PIGL: variants seen among roughly 807,000 people sequenced by gnomAD.
PIGL encodes N-acetylglucosaminyl-phosphatidylinositol de-N-acetylase.
PIGL carries 22 observed loss-of-function variants against 31.1 expected under a neutral mutation model. That is an observed-to-expected ratio of 0.71 (90% CI 0.51 to 1.01). PIGL has a LOEUF of 1.01. Ranked by LOEUF, PIGL falls within the 50% of genes least tolerant of loss-of-function variation. The pLI is 0.00. For missense variants in PIGL, 302 were observed against 315.9 expected (o/e 0.96, Z 0.33); for synonymous variants, 131 against 117.4 (o/e 1.12, Z -0.75).
intron 3 of PIGL, among the ~76,000 whole-genome samples, chr17:16,304,073 A>C (rs1197099510): frequency 6.6e-6 from 1 of 152,300 alleles, no homozygotes; most frequent in Admixed American, 6.5e-5. Flanking sequence ...TTGACAGTAC[A>C]GTTGGGAATA....
intron 2 of PIGL, among the ~76,000 whole-genome samples, chr17:16,279,271 A>G (rs1430621953): frequency 2.6e-5 from 4 of 152,260 alleles, no homozygotes; most frequent in Non-Finnish European, 2.9e-5. Context: ...TATTAAGTAA[A>G]GGAAACAAAA....
At chr17:16,310,725 G>C (rs1241222634) in intron 3 of PIGL, among the ~76,000 whole-genome samples, 1 of 152,088 alleles carries the variant, frequency 6.6e-6, no homozygotes, top group East Asian at 1.9e-4. Context: ...TTAGTAGAGA[G>C]GGTTTCGCCA....
intron 4 of PIGL, among the ~76,000 whole-genome samples, chr17:16,316,127 G>T (rs1454725534): frequency 6.6e-6 from 1 of 152,080 alleles, no homozygotes; most frequent in Non-Finnish European, 1.5e-5. Context: ...TCTGTGTGTT[G>T]CTGGGGCTAC....
At chr17:16,221,899 G>A (rs755291670) in intron 1 of PIGL, among the ~76,000 whole-genome samples, 17 of 152,086 alleles carry the variant, frequency 1.1e-4, no homozygotes, top group Non-Finnish European at 2.1e-4. Context: ...GATTACAGAC[G>A]TGAGCCACCA....
At chr17:16,318,219 A>G (rs2093086900) in intron 6 of PIGL, among the ~76,000 whole-genome samples, 1 of 152,162 alleles carries the variant, frequency 6.6e-6, no homozygotes, top group Non-Finnish European at 1.5e-5. Context: ...AATTACCTGC[A>G]GTCCCACCAA....
At chr17:16,266,916 G>C (rs1343039217) in intron 2 of PIGL, among the ~76,000 whole-genome samples, 1 of 148,832 alleles carries the variant, frequency 6.7e-6, no homozygotes, top group Non-Finnish European at 1.5e-5. Flanking sequence ...TGGGGGGGGG[G>C]GGGTTGTCGT....
intron 3 of PIGL, 135 bp from the exon 4 acceptor site, chr17:16,313,412 G>C (rs1001429931): frequency 2.8e-6 from 2 of 712,476 alleles, no homozygotes; most frequent in Non-Finnish European, 5.2e-6. Flanking sequence ...GATCTGCTCA[G>C]AAGTCACTTC....
chr17:16,233,100 C>G (rs1380468030), intron 1 of PIGL, among the ~76,000 whole-genome samples: 1 of 139,002 alleles, frequency 7.2e-6, no homozygotes, highest in African/African-American at 2.6e-5. Context: ...GGCGACAGAG[C>G]AAGACTCTTA....
intron 2 of PIGL, among the ~76,000 whole-genome samples, chr17:16,285,963 T>C (rs1002025560): frequency 3.9e-5 from 6 of 152,230 alleles, no homozygotes; most frequent in African/African-American, 1.2e-4. Context: ...CAGGAGACAG[T>C]TGCTGCCTCC....
rs1252756813 is a variant in PIGL, at chr17:16,251,379, C to T, written c.335+17309C>T. Among the ~76,000 whole-genome samples the T allele has an allele frequency of 1.9e-4, 29 of 148,808 alleles. 1 individual carries two copies. The highest frequency in any genetic ancestry group is 1.8e-3 in the Admixed American group (27 of 14,764). ...TCAAGGTTGCAGTGAGCCTTGATCA[C>T]GCCATTGCACCCCAGCCTGGGCAAT... On this transcript the variant is annotated intron_variant, in intron 2 of 6. Coordinates refer to ENST00000225609, the MANE Select transcript of PIGL (RefSeq NM_004278.4).
intron 1 of PIGL, among the ~76,000 whole-genome samples, chr17:16,225,947 G>A (rs1350166678): frequency 4.6e-5 from 7 of 151,172 alleles, no homozygotes; most frequent in African/African-American, 9.7e-5. Flanking sequence ...TTCTGAGGCC[G>A]AAGCAGGAGG....
rs750825565 is a variant in PIGL at position 16,233,999 on chromosome 17, T to TA, written c.266dup (p.Lys90GlufsTer8). The TA allele has an allele frequency of 1.9e-6, 3 of 1,609,076 alleles. No individual in the cohort carries two copies. In the African/African-American group the frequency reaches 4.0e-5, roughly 22 times the overall value. On this transcript the variant is annotated frameshift_variant, in exon 2 of 7. Coordinates refer to ENST00000225609, the MANE Select transcript of PIGL (RefSeq NM_004278.4). LOFTEE classifies it high-confidence loss of function. The stretch of plus-strand genomic sequence containing the variant: ...ATTACTACAATCAAGGAGAGACTCG[T>TA]AAGAAAGAACTTTTGCAGAGCTGTG...
intron 1 of PIGL, among the ~76,000 whole-genome samples, chr17:16,222,780 G>A (rs2142638589): frequency 1.3e-5 from 2 of 151,720 alleles, no homozygotes; most frequent in Admixed American, 1.3e-4. Flanking sequence ...GGGAGGCCGA[G>A]ACAGGTGCAT....
At chr17:16,294,775 G>A (rs1370242866) in intron 2 of PIGL, among the ~76,000 whole-genome samples, 1 of 152,174 alleles carries the variant, frequency 6.6e-6, no homozygotes, top group Non-Finnish European at 1.5e-5. Flanking sequence ...GAAGAACCAG[G>A]TATTTCCCCC....
At chr17:16,264,073 C>T (rs960317717) in intron 2 of PIGL, among the ~76,000 whole-genome samples, 9 of 143,036 alleles carry the variant, frequency 6.3e-5, no homozygotes, top group East Asian at 2.1e-4. Flanking sequence ...AGTGCAATGG[C>T]GTGATCTTGG....
intron 2 of PIGL, among the ~76,000 whole-genome samples, chr17:16,238,163 T>C (rs1421346353): frequency 7.5e-6 from 1 of 133,780 alleles, no homozygotes; most frequent in African/African-American, 2.9e-5. Context: ...GCCATTGCAC[T>C]CCAGCCTGGG....
chr17:16,265,646 A>G (rs1398351081), intron 2 of PIGL, among the ~76,000 whole-genome samples: 1 of 152,054 alleles, frequency 6.6e-6, no homozygotes, highest in East Asian at 1.9e-4. Context: ...AGGCTGAGGC[A>G]GGAGAATCGC....
Position 16,312,521 on chromosome 17 carries a change from C to T in PIGL, c.427-1026C>T, listed in dbSNP as rs1390416003. 669 of 161,866 alleles carry T rather than the reference C, an allele frequency of 4.1e-3. 5 individuals carry two copies. The highest frequency in any genetic ancestry group is 0.015 in the African/African-American group (624 of 41,478). 10.0% of individuals were successfully genotyped at this position (161,866 alleles called of 1,614,324 possible). On this transcript the variant is annotated intron_variant, in intron 3 of 6. Coordinates refer to ENST00000225609, the MANE Select transcript of PIGL (RefSeq NM_004278.4). The stretch of plus-strand genomic sequence containing the variant: ...GCTCCTCACTTCCCAGACGGGGTGG[C>T]GGCCGGGCAGAGGCTGCAATCTCGG...
chr17:16,319,679 C>T (rs895503325), intron 6 of PIGL, among the ~76,000 whole-genome samples: 1 of 150,748 alleles, frequency 6.6e-6, no homozygotes, highest in Non-Finnish European at 1.5e-5. Context: ...TGCTTGAACC[C>T]GGGAGGCGGA....
Sources: gnomAD v4.1 joint callset for allele counts (sites outside exome capture counted in the v4.1 genomes callset) on GRCh38, gnomAD v4.1.1 for gene constraint, MANE v1.5 for transcripts, NCBI Gene and HGNC (gene_info 2026-07-23, HGNC 2026-07-21) for gene names.